The following LRRTM4 variants were observed in gnomAD, a reference collection of about 807,000 sequenced individuals.
LRRTM4 encodes the protein leucine rich repeat transmembrane neuronal 4.
A neutral mutation model predicts 47.6 loss-of-function variants in LRRTM4; 25 were observed. That is an observed-to-expected ratio of 0.53 (90% CI 0.38 to 0.73). The LOEUF is 0.73. Ranked by LOEUF, LRRTM4 falls within the 30% of genes least tolerant of loss-of-function variation. The probability of loss-of-function intolerance (pLI) is 0.00; values close to 1 mark genes in which losing one functional copy is unlikely to be tolerated. For missense variants in LRRTM4, 638 were observed against 713.4 expected, an observed-to-expected ratio of 0.89 and a Z score of 1.20; for synonymous variants, 311 against 269.5, an observed-to-expected ratio of 1.15 and a Z score of -1.51.
chr2:76,941,293 T>G (rs1311587977), intron 3 of LRRTM4, among the ~76,000 whole-genome samples: 1 of 152,192 alleles, frequency 6.6e-6, no homozygotes, highest in Non-Finnish European at 1.5e-5. Flanking sequence ...AAGTTGCTGT[T>G]TGTGTAAAAC....
At chr2:77,404,403 T>C (rs950742542) in intron 3 of LRRTM4, among the ~76,000 whole-genome samples, 2 of 152,076 alleles carry the variant, frequency 1.3e-5, no homozygotes, top group Non-Finnish European at 2.9e-5. Context: ...TGTCTCAGCA[T>C]TTTACTATAG....
chr2:77,033,668 G>A (rs1022130532), intron 3 of LRRTM4, among the ~76,000 whole-genome samples: 3 of 151,858 alleles, frequency 2.0e-5, no homozygotes, highest in Admixed American at 6.6e-5. Context: ...AATAATCTAT[G>A]CTATGCAAAA....
chr2:77,184,468 G>C (rs1673443603), intron 3 of LRRTM4, among the ~76,000 whole-genome samples: 1 of 152,052 alleles, frequency 6.6e-6, no homozygotes, highest in African/African-American at 2.4e-5. Flanking sequence ...ATTGAAATGA[G>C]AATATCATTG....
In LRRTM4 at chr2:77,323,125, T is replaced by A. The variant is rs55925318; in HGVS notation, c.1551+195193A>T. On this transcript the variant is annotated intron_variant, in intron 3 of 3. Transcript: ENST00000409884. Reference sequence around the variant, plus strand: ...TGATACACCTGGCTCTGTGCTTCTATTCCTCTTGCTCCAGTGGGCAGTCAC... The same window carrying A: ...TGATACACCTGGCTCTGTGCTTCTAATCCTCTTGCTCCAGTGGGCAGTCAC... Among the ~76,000 whole-genome samples, 1,176 of 152,156 alleles carry A rather than the reference T, an allele frequency of 7.7e-3. 19 individuals carry two copies. Among genetic ancestry groups the A allele is most frequent in the African/African-American group, 0.027 (1,112 of 41,534 alleles).
intron 3 of LRRTM4, among the ~76,000 whole-genome samples, chr2:77,242,959 G>C (rs1675310782): frequency 6.6e-6 from 1 of 152,080 alleles, no homozygotes; most frequent in South Asian, 2.1e-4. Flanking sequence ...TAGCCAAAAG[G>C]TGGAAACAAC....
intron 3 of LRRTM4, among the ~76,000 whole-genome samples, chr2:77,063,328 A>G (rs1483843501): frequency 2.0e-5 from 3 of 152,178 alleles, no homozygotes; most frequent in Admixed American, 1.3e-4. Flanking sequence ...TCACAGTAAG[A>G]TCTCCAAAGA....
chr2:77,206,476 T>C (rs1233350489), intron 3 of LRRTM4, among the ~76,000 whole-genome samples: 2 of 151,876 alleles, frequency 1.3e-5, no homozygotes, highest in East Asian at 2.0e-4. Context: ...TAAGCCACCA[T>C]GCTTTGCCTC....
chr2:77,098,849 G>C (rs933553667), intron 3 of LRRTM4, among the ~76,000 whole-genome samples: 38 of 151,756 alleles, frequency 2.5e-4, no homozygotes, highest in African/African-American at 8.2e-4. Context: ...TCATAAAGGG[G>C]AAATTATAAA....
chr2:77,099,406 T>G (rs1670893092), intron 3 of LRRTM4, among the ~76,000 whole-genome samples: 1 of 152,072 alleles, frequency 6.6e-6, no homozygotes, highest in East Asian at 1.9e-4. Flanking sequence ...CTATTAAAAT[T>G]TGCATATCAA....
chr2:77,068,254 T>C (rs1463363596), intron 3 of LRRTM4, among the ~76,000 whole-genome samples: 1 of 152,208 alleles, frequency 6.6e-6, no homozygotes, highest in Non-Finnish European at 1.5e-5. Flanking sequence ...AGCTAGAAAC[T>C]TGTAAGTTGT....
intron 3 of LRRTM4, among the ~76,000 whole-genome samples, chr2:76,762,712 C>T (rs1460593719): frequency 1.3e-5 from 2 of 152,082 alleles, no homozygotes; most frequent in East Asian, 1.9e-4. Flanking sequence ...GAATTGCTAG[C>T]ACTTTGGAAG....
chr2:77,258,386 T>TG (rs1675826997), intron 3 of LRRTM4, among the ~76,000 whole-genome samples: 1 of 152,104 alleles, frequency 6.6e-6, no homozygotes, highest in Non-Finnish European at 1.5e-5. Flanking sequence ...TGTTTTGTAT[T>TG]GGTGGTTTCA....
intron 3 of LRRTM4, among the ~76,000 whole-genome samples, chr2:77,391,955 A>C (rs1673521954): frequency 6.6e-6 from 1 of 152,044 alleles, no homozygotes; most frequent in Non-Finnish European, 1.5e-5. Flanking sequence ...AAAGAGATCA[A>C]AGTATTTTAC....
At chr2:76,983,628 A>G (rs1676689589) in intron 3 of LRRTM4, among the ~76,000 whole-genome samples, 1 of 152,060 alleles carries the variant, frequency 6.6e-6, no homozygotes. Context: ...GTGTGTCTTT[A>G]TTAGTAGCAT....
intron 3 of LRRTM4, among the ~76,000 whole-genome samples, chr2:77,198,849 A>G (rs986161160): frequency 6.6e-6 from 1 of 152,084 alleles, no homozygotes; most frequent in African/African-American, 2.4e-5. Flanking sequence ...TATCCTAACT[A>G]CTACATTCTT....
chr2:76,826,364 G>A (rs554498757), intron 3 of LRRTM4, among the ~76,000 whole-genome samples: 12 of 151,482 alleles, frequency 7.9e-5, no homozygotes, highest in African/African-American at 2.9e-4. Flanking sequence ...TATCAGCTGT[G>A]TAATCTTAAA....
chr2:77,450,105 A>G (rs1418763359), intron 3 of LRRTM4, among the ~76,000 whole-genome samples: 3 of 152,206 alleles, frequency 2.0e-5, no homozygotes, highest in Admixed American at 6.5e-5. Flanking sequence ...ATCTTTAGTC[A>G]TGAAAATTTT....
chr2:77,083,248 T>C (rs1333201652), intron 3 of LRRTM4, among the ~76,000 whole-genome samples: 1 of 152,228 alleles, frequency 6.6e-6, no homozygotes, highest in African/African-American at 2.4e-5. Context: ...TTCAGTTTTC[T>C]GATCAGCTAT....
At chr2:76,775,455 T>C (rs995719608) in intron 3 of LRRTM4, among the ~76,000 whole-genome samples, 1 of 152,154 alleles carries the variant, frequency 6.6e-6, no homozygotes, top group African/African-American at 2.4e-5. Context: ...GGGGCATTGT[T>C]CAATATCAAA....
Sources: gnomAD v4.1 joint callset for allele counts (sites outside exome capture counted in the v4.1 genomes callset) on GRCh38, gnomAD v4.1.1 for gene constraint, MANE v1.5 for transcripts, NCBI Gene and HGNC (gene_info 2026-07-23, HGNC 2026-07-21) for gene names.